CDH13: variants seen among roughly 807,000 people sequenced by gnomAD.
The protein encoded by CDH13 is cadherin 13.
In CDH13, 24 loss-of-function variants were observed where a neutral mutation model predicts 63.8. That is an observed-to-expected ratio of 0.38 (90% CI 0.27 to 0.53). CDH13 has a LOEUF of 0.53. Ranked by LOEUF, CDH13 falls within the 20% of genes least tolerant of loss-of-function variation. The pLI, the probability that CDH13 is intolerant of heterozygous loss-of-function variation, is 0.85. For missense variants in CDH13, 1,049 were observed against 903.1 expected (o/e 1.16, Z -2.07); for synonymous variants, 503 against 355.3 (o/e 1.42, Z -4.67).
At chr16:82,806,715 G>A (rs899267655) in intron 1 of CDH13, among the ~76,000 whole-genome samples, 2 of 152,136 alleles carry the variant, frequency 1.3e-5, no homozygotes, top group African/African-American at 4.8e-5. Context: ...GGCAGGGAGA[G>A]CTGGAGAGTT....
intron 1 of CDH13, among the ~76,000 whole-genome samples, chr16:82,855,128 CTG>C (rs1242463930): frequency 2.6e-5 from 4 of 152,206 alleles, no homozygotes; most frequent in African/African-American, 7.2e-5. Context: ...AAAGATAAAA[CTG>C]TGCCTTTGGG....
intron 10 of CDH13, among the ~76,000 whole-genome samples, chr16:83,716,339 C>A (rs1377198357): frequency 1.3e-5 from 2 of 152,176 alleles, no homozygotes; most frequent in Non-Finnish European, 2.9e-5. Context: ...TGGGTTTGGG[C>A]AAATGTATAA....
At chr16:83,427,206 G>A (rs184953274) in intron 6 of CDH13, among the ~76,000 whole-genome samples, 124 of 152,014 alleles carry the variant, frequency 8.2e-4, no homozygotes, top group African/African-American at 1.9e-3. Context: ...GAGCCACCGC[G>A]CCCGGCCTAA....
chr16:83,312,884 T>G (rs1374480471), intron 5 of CDH13, among the ~76,000 whole-genome samples: 1 of 152,186 alleles, frequency 6.6e-6, no homozygotes, highest in East Asian at 1.9e-4. Context: ...AATCTGCACT[T>G]AAATCCCAGT....
intron 6 of CDH13, among the ~76,000 whole-genome samples, chr16:83,408,984 G>C (rs769524964): frequency 6.6e-6 from 1 of 152,166 alleles, no homozygotes; most frequent in Non-Finnish European, 1.5e-5. Context: ...GCTTTTCAGT[G>C]ACGTGGCTGA....
chr16:82,963,915 G>C (rs1229532377), intron 2 of CDH13, among the ~76,000 whole-genome samples: 1 of 152,192 alleles, frequency 6.6e-6, no homozygotes, highest in Non-Finnish European at 1.5e-5. Context: ...CCCCCAGCCT[G>C]CTCTCACAGT....
In CDH13 at chr16:82,842,893, G is replaced by A. The variant is rs117185980; in HGVS notation, c.46-15469G>A. On this transcript the variant is annotated intron_variant, in intron 1 of 13. Transcript: ENST00000567109. ...GCAACCTAGATCCGTTACATGTGTG[G>A]TTCACAAAGCACCTATAAGACTCTA... Among the ~76,000 whole-genome samples, 98 of 152,236 alleles carry A rather than the reference G, an allele frequency of 6.4e-4. No individual in the cohort carries two copies. The East Asian group carries it at 0.018, about 27-fold the overall frequency.
chr16:83,706,176 C>T (rs1907014425), intron 10 of CDH13, among the ~76,000 whole-genome samples: 1 of 152,176 alleles, frequency 6.6e-6, no homozygotes. Context: ...TTGCTGTCAG[C>T]CAGAACATCT....
At chr16:83,723,661 T>C (rs1909983408) in intron 10 of CDH13, among the ~76,000 whole-genome samples, 1 of 152,252 alleles carries the variant, frequency 6.6e-6, no homozygotes, top group Non-Finnish European at 1.5e-5. Flanking sequence ...TCAGAGCACA[T>C]ACCACTCTCT....
rs769460387 is a variant in CDH13, at chr16:83,130,976, T to G, written c.483+5475T>G. ...AACTGAATACCCACAGCAGGGTTATTCAGGCAGCTCCAGGGATGAGAGAAA... is the reference window on the plus strand; with the variant it reads ...AACTGAATACCCACAGCAGGGTTATGCAGGCAGCTCCAGGGATGAGAGAAA... On this transcript the variant is annotated intron_variant, in intron 4 of 13. Coordinates refer to ENST00000567109, the MANE Select transcript of CDH13 (RefSeq NM_001257.5). 5.3e-5 allele frequency among the ~76,000 whole-genome samples: 8 copies of G among 152,240 alleles called. No homozygotes were observed. In the East Asian group the frequency reaches 9.7e-4, roughly 18 times the overall value.
intron 8 of CDH13, among the ~76,000 whole-genome samples, chr16:83,648,956 C>CA (rs545768100): frequency 8.3e-4 from 126 of 152,336 alleles, no homozygotes; most frequent in South Asian, 5.2e-3. Context: ...AACACACATA[C>CA]ACCACCTACT....
At chr16:83,446,095 G>A (rs748211778) in intron 6 of CDH13, among the ~76,000 whole-genome samples, 7 of 152,004 alleles carry the variant, frequency 4.6e-5, no homozygotes, top group Non-Finnish European at 1.0e-4. Context: ...AGGAGGTCAG[G>A]AGTTCAAGAC....
chr16:83,519,242 G>C (rs1168443576), intron 7 of CDH13, among the ~76,000 whole-genome samples: 1 of 152,174 alleles, frequency 6.6e-6, no homozygotes, highest in East Asian at 1.9e-4. Context: ...CTAACAAGAT[G>C]ACTTCTGAGA....
intron 2 of CDH13, among the ~76,000 whole-genome samples, chr16:83,002,359 GA>G (rs1166454001): frequency 1.3e-5 from 2 of 152,160 alleles, no homozygotes; most frequent in Non-Finnish European, 2.9e-5. Flanking sequence ...GAAACACCTG[GA>G]GCCACAGGAA....
At chr16:83,298,888 C>T (rs1479916261) in intron 5 of CDH13, among the ~76,000 whole-genome samples, 1 of 152,142 alleles carries the variant, frequency 6.6e-6, no homozygotes, top group Non-Finnish European at 1.5e-5. Flanking sequence ...GAAGTGTTAT[C>T]TTTAGGGCAT....
At chr16:83,490,456 C>G (rs1387374) in intron 7 of CDH13, among the ~76,000 whole-genome samples, 102,748 of 152,042 alleles carry the variant, frequency 0.68, 36,037 homozygotes, top group East Asian at 0.89. Flanking sequence ...TTTCTTCTTC[C>G]CACCCTCCTC....
At chr16:83,474,787 A>C (rs534478792) in intron 6 of CDH13, among the ~76,000 whole-genome samples, 9 of 152,188 alleles carry the variant, frequency 5.9e-5, no homozygotes, top group Non-Finnish European at 1.3e-4. Flanking sequence ...TTAGGGCTGG[A>C]GAAGGCACTC....
intron 2 of CDH13, among the ~76,000 whole-genome samples, chr16:83,008,389 A>G (rs1913766916): frequency 6.6e-6 from 1 of 152,172 alleles, no homozygotes; most frequent in South Asian, 2.1e-4. Context: ...ATTGCACTGT[A>G]GGCAGAAAGT....
At chr16:83,276,578 G>A (rs758629295) in intron 5 of CDH13, among the ~76,000 whole-genome samples, 25 of 152,264 alleles carry the variant, frequency 1.6e-4, no homozygotes, top group Admixed American at 8.5e-4. Flanking sequence ...ACAAGAGCAT[G>A]TCACATCTTG....
Sources: gnomAD v4.1 joint callset for allele counts (sites outside exome capture counted in the v4.1 genomes callset) on GRCh38, gnomAD v4.1.1 for gene constraint, MANE v1.5 for transcripts, NCBI Gene and HGNC (gene_info 2026-07-23, HGNC 2026-07-21) for gene names.